The following FKBP11 variants were observed in gnomAD, a reference collection of about 807,000 sequenced individuals.
The protein encoded by FKBP11 is FKBP prolyl isomerase 11, also known as peptidyl-prolyl cis-trans isomerase FKBP11.
FKBP11 carries 21 observed loss-of-function variants against 24.7 expected under a neutral mutation model. The ratio of observed to expected loss-of-function variants is 0.85; its 90% CI spans 0.60 to 1.23. FKBP11 has a LOEUF of 1.23. FKBP11 is among the 50% of genes most tolerant of loss of function. The pLI, the probability that FKBP11 is intolerant of heterozygous loss-of-function variation, is 0.00. For missense variants in FKBP11, 245 were observed against 248.7 expected (o/e 0.99, Z 0.10); for synonymous variants, 106 against 100.6 (o/e 1.05, Z -0.32).
chr12:48,923,722 C>A (rs1939888301), intron 5 of FKBP11, 60 bp downstream of exon 5: 4 of 1,588,776 alleles, frequency 2.5e-6, no homozygotes, highest in Admixed American at 3.3e-5. Context: ...TATATAGCTC[C>A]TTATAGCTCT....
intron 5 of FKBP11, chr12:48,923,174 C>A: frequency 8.5e-7 from 1 of 1,178,762 alleles, no homozygotes; most frequent in South Asian, 1.8e-5. Context: ...ATTACGAGCC[C>A]AATACTCTGT....
intron 2 of FKBP11, 153 bp downstream of exon 2, chr12:48,924,893 A>G (rs1939923442): frequency 6.9e-7 from 1 of 1,443,878 alleles, no homozygotes; most frequent in South Asian, 1.5e-5. Flanking sequence ...GGCACGGAAG[A>G]GCAACGTCTC....
chr12:48,925,738 G>A (rs777687698), upstream of FKBP11: 3 of 399,674 alleles, frequency 7.5e-6, no homozygotes, highest in Non-Finnish European at 9.2e-6. Flanking sequence ...TGTGTGTCAG[G>A]AGCTAGTCTC....
intron 2 of FKBP11, 178 bp downstream of exon 2, chr12:48,924,864 AAAGC>A (rs1939922648): frequency 1.4e-6 from 2 of 1,443,070 alleles, no homozygotes; most frequent in Non-Finnish European, 1.8e-6. Context: ...AACTGGCAGA[AAAGC>A]AAGGAGGGAA....
chr12:48,927,006 C>T (rs1009889388), upstream of FKBP11, among the ~76,000 whole-genome samples: 3 of 152,178 alleles, frequency 2.0e-5, no homozygotes, highest in Non-Finnish European at 4.4e-5. Context: ...GATGGGGTTT[C>T]GCCATGTTGG....
upstream of FKBP11, among the ~76,000 whole-genome samples, chr12:48,929,275 C>T (rs1444473464): frequency 6.6e-6 from 1 of 152,004 alleles, no homozygotes. Flanking sequence ...TGGCAAGACC[C>T]TATCTCTACA....
intron 1 of FKBP11, 63 bp from the exon 2 acceptor site, chr12:48,925,174 C>G: frequency 6.3e-7 from 1 of 1,596,464 alleles, no homozygotes; most frequent in Non-Finnish European, 8.5e-7. Flanking sequence ...CCCCTAGACC[C>G]GGCACCACCC....
intron 3 of FKBP11, 47 bp from the exon 4 acceptor site, chr12:48,924,303 A>G: frequency 6.2e-7 from 1 of 1,611,304 alleles, no homozygotes; most frequent in Non-Finnish European, 8.5e-7. Flanking sequence ...CACCTTCCCC[A>G]AATCCCATGA....
the FKBP11 span, chr12:48,938,510 G>A: frequency 3.8e-5 from 17 of 448,690 alleles, no homozygotes; most frequent in African/African-American, 8.1e-5. Context: ...AGAGAGGCCC[G>A]TGCAATTTCC....
intron 5 of FKBP11, chr12:48,923,448 C>T (rs576988297): frequency 1.3e-5 from 20 of 1,545,938 alleles, no homozygotes; most frequent in Admixed American, 3.9e-5. Context: ...GCTGACACAG[C>T]GTAGAGTTGT....
At position 48,924,629 on chromosome 12, in the gene FKBP11, C is replaced by A; in HGVS notation, c.215G>T (p.Arg72Leu). Residue 72 changes from arginine (R) to leucine (L), a missense_variant, in exon 3 of 6, where the codon CGT becomes CTT. By Grantham distance (102) the Arg-to-Leu change is moderately radical. Coordinates refer to ENST00000550765, the MANE Select transcript of FKBP11 (RefSeq NM_016594.3). ...IHYTGSLVDG[R>L]IIDTSLTRDP... Reference sequence around the variant, plus strand: ...TCTGGTCAGGGAGGTGTCAATAATACGTCCATCTACCAAGCTTCCCTGGGG... The same window carrying A: ...TCTGGTCAGGGAGGTGTCAATAATAAGTCCATCTACCAAGCTTCCCTGGGG... 3.7e-6 allele frequency: 6 copies of A among 1,614,028 alleles called. No homozygotes were observed. The highest frequency in any genetic ancestry group is 5.1e-6 in the Non-Finnish European group (6 of 1,179,948).
intron 1 of FKBP11, 59 bp downstream of exon 1, chr12:48,925,241 G>A: frequency 1.3e-6 from 2 of 1,598,052 alleles, no homozygotes; most frequent in Non-Finnish European, 1.7e-6. Context: ...TGAGACCCCA[G>A]TATTACCACC....
chr12:48,938,076 A>G, the FKBP11 span: 8 of 226,318 alleles, frequency 3.5e-5, no homozygotes, highest in Non-Finnish European at 6.4e-5. Flanking sequence ...TCAGTTGAAC[A>G]CTCTAAGCTG....
At chr12:48,927,347 T>TA (rs1229843962), upstream of FKBP11, among the ~76,000 whole-genome samples, 53 of 146,286 alleles carry the variant, frequency 3.6e-4, no homozygotes, top group East Asian at 9.9e-4. Context: ...TTGTATTGTT[T>TA]AAAAAAAAAA....
chr12:48,932,803 G>A, the FKBP11 span, among the ~76,000 whole-genome samples: 1 of 152,030 alleles, frequency 6.6e-6, no homozygotes, highest in African/African-American at 2.4e-5. Flanking sequence ...GGTGCCAGGC[G>A]GACAAGCCCA....
upstream of FKBP11, among the ~76,000 whole-genome samples, chr12:48,929,106 C>T (rs1216477793): frequency 4.0e-5 from 6 of 151,160 alleles, no homozygotes; most frequent in South Asian, 2.1e-4. Context: ...GGATTACAGG[C>T]GTGAGCCACC....
At chr12:48,938,228 G>C in the FKBP11 span, 1 of 363,524 alleles carries the variant, frequency 2.8e-6, no homozygotes, top group African/African-American at 2.1e-5. Context: ...AAATGGTGGT[G>C]AAGAATCCAT....
At chr12:48,930,851 G>A (rs565885626), upstream of FKBP11, among the ~76,000 whole-genome samples, 61 of 152,288 alleles carry the variant, frequency 4.0e-4, no homozygotes, top group African/African-American at 1.3e-3. Context: ...GTTGTAGGCC[G>A]GGTGCAGTGG....
chr12:48,933,584 C>T, the FKBP11 span, among the ~76,000 whole-genome samples: 44 of 152,166 alleles, frequency 2.9e-4, no homozygotes, highest in African/African-American at 1.0e-3. Context: ...TACCTGTAGT[C>T]CCAGCTACTC....
Sources: gnomAD v4.1 joint callset for allele counts (sites outside exome capture counted in the v4.1 genomes callset) on GRCh38, gnomAD v4.1.1 for gene constraint, MANE v1.5 for transcripts, NCBI Gene and HGNC (gene_info 2026-07-23, HGNC 2026-07-21) for gene names.